The following LARGE1 variants were observed in gnomAD, a reference collection of about 807,000 sequenced individuals.
LARGE1 encodes LARGE xylosyl- and glucuronyltransferase 1.
LARGE1 carries 43 observed loss-of-function variants against 87.6 expected under a neutral mutation model. The observed-to-expected ratio is 0.49, with a 90% CI of 0.38 to 0.63. The LOEUF is 0.63. Among genes scored for constraint, LARGE1 ranks in the 30% least tolerant of loss-of-function variants. LARGE1 has a pLI of 0.00. For synonymous variants in LARGE1, 434 were observed against 394.6 expected (o/e 1.10, Z -1.18); for missense variants, 802 against 1,000.2 (o/e 0.80, Z 2.67).
chr22:33,669,927 G>C (rs2081362574), intron 2 of LARGE1, among the ~76,000 whole-genome samples: 1 of 152,194 alleles, frequency 6.6e-6, no homozygotes, highest in African/African-American at 2.4e-5. Context: ...ACTGTTGTTG[G>C]TATTATAATT....
chr22:33,544,694 C>CAACAACAACAACAACAACAACA (rs1555952160), intron 6 of LARGE1, among the ~76,000 whole-genome samples: 73 of 136,634 alleles, frequency 5.3e-4, no homozygotes, highest in African/African-American at 1.3e-3. Context: ...AAACAACAAC[C>CAACAACAACAACAACAACAACA]ACAACAACAA....
chr22:33,856,736 T>C (rs1348766692), intron 1 of LARGE1: 1 of 152,202 alleles, frequency 6.6e-6, no homozygotes, highest in Non-Finnish European at 1.5e-5. Context: ...GCTACACATC[T>C]TACCTGGCTC....
At chr22:33,453,570 T>C (rs1409802894) in intron 6 of LARGE1, among the ~76,000 whole-genome samples, 1 of 152,172 alleles carries the variant, frequency 6.6e-6, no homozygotes. Flanking sequence ...AGTGAGATAA[T>C]GGTTCACTCT....
At chr22:33,661,821 A>G (rs2081131453) in intron 2 of LARGE1, among the ~76,000 whole-genome samples, 1 of 152,076 alleles carries the variant, frequency 6.6e-6, no homozygotes, top group Non-Finnish European at 1.5e-5. Context: ...TCAGAATTGA[A>G]CTATGGTGTT....
Position 33,414,493 on chromosome 22 carries a change from G to A in LARGE1, c.892+17668C>T, listed in dbSNP as rs115122226. ...AATGAGAAATGGCTAAAGATAAGCTGAGAGCAAGTGGGTAGGACGTAGCTA... is the reference window on the plus strand; with the variant it reads ...AATGAGAAATGGCTAAAGATAAGCTAAGAGCAAGTGGGTAGGACGTAGCTA... On this transcript the variant is annotated intron_variant, in intron 7 of 14. Coordinates refer to ENST00000397394, the MANE Select transcript of LARGE1 (RefSeq NM_133642.5). 8.2e-3 allele frequency among the ~76,000 whole-genome samples: 1,246 copies of A among 152,288 alleles called. 17 individuals carry two copies. The highest frequency in any genetic ancestry group is 0.029 in the African/African-American group (1,201 of 41,552).
At chr22:33,119,246 C>T in the LARGE1 span, among the ~76,000 whole-genome samples, 2 of 152,144 alleles carry the variant, frequency 1.3e-5, no homozygotes, top group African/African-American at 2.4e-5. Context: ...AAGGAAGGTC[C>T]GTTATGACTT....
chr22:33,675,335 C>CCTGACCAA (rs1045966163), intron 2 of LARGE1, among the ~76,000 whole-genome samples: 1 of 119,816 alleles, frequency 8.3e-6, no homozygotes, highest in African/African-American at 3.0e-5. Context: ...AAGAGCAGAA[C>CCTGACCAA]CTGACCAAGA....
At chr22:33,586,060 G>A (rs1052386033) in intron 5 of LARGE1, among the ~76,000 whole-genome samples, 2 of 152,200 alleles carry the variant, frequency 1.3e-5, no homozygotes, top group Admixed American at 6.5e-5. Flanking sequence ...GTTGGATCAC[G>A]TTAGGATTTT....
At chr22:33,789,737 G>A (rs1054011746) in intron 1 of LARGE1, among the ~76,000 whole-genome samples, 6 of 152,162 alleles carry the variant, frequency 3.9e-5, no homozygotes, top group African/African-American at 7.2e-5. Context: ...ATATGATTTC[G>A]GACATACACA....
Position 33,273,295 on chromosome 22 carries a change from C to T in LARGE1, c.*1132G>A. ...GTGGTTGCCTACCCTTGGACAGGTCCCAAAGGGAGACTGAGGTTGTCACCT... is the reference window on the plus strand; with the variant it reads ...GTGGTTGCCTACCCTTGGACAGGTCTCAAAGGGAGACTGAGGTTGTCACCT... On this transcript the variant is annotated 3_prime_UTR_variant, in exon 15 of 15. Coordinates refer to ENST00000397394, the MANE Select transcript of LARGE1 (RefSeq NM_133642.5). 2.5e-6 allele frequency: 1 copy of T among 398,072 alleles called. No individual in the cohort carries two copies. Among genetic ancestry groups the T allele is most frequent in the Non-Finnish European group, 4.4e-6 (1 of 226,018 alleles). The allele number at this position is 398,072 out of a possible 1,614,324, so 24.7% of individuals were successfully genotyped here.
chr22:33,908,129 G>T (rs1055845223), intron 1 of LARGE1, among the ~76,000 whole-genome samples: 2 of 152,158 alleles, frequency 1.3e-5, no homozygotes, highest in Non-Finnish European at 2.9e-5. Context: ...ATCAGAAAGG[G>T]TTACATTATG....
chr22:33,651,164 C>T (rs1421487911), intron 2 of LARGE1, among the ~76,000 whole-genome samples: 1 of 144,788 alleles, frequency 6.9e-6, no homozygotes, highest in Non-Finnish European at 1.5e-5. Flanking sequence ...GGGCGGATCA[C>T]GAGGTCAGGA....
In LARGE1 at chr22:33,642,549, T is replaced by C. The variant is rs1406045486; in HGVS notation, c.408+7818A>G. On this transcript the variant is annotated intron_variant, in intron 3 of 14. Coordinates refer to ENST00000397394, the MANE Select transcript of LARGE1 (RefSeq NM_133642.5). Reference sequence around the variant, plus strand: ...CACACATAACAATATTAACCTTAAATGTAAATGGGCTAAATGCCTCAGTTA... The same window carrying C: ...CACACATAACAATATTAACCTTAAACGTAAATGGGCTAAATGCCTCAGTTA... Among the ~76,000 whole-genome samples the C allele has an allele frequency of 2.6e-5, 4 of 151,872 alleles. No individual in the cohort carries two copies. The South Asian group carries it at 6.2e-4, about 24-fold the overall frequency.
intron 5 of LARGE1, among the ~76,000 whole-genome samples, chr22:33,601,802 T>C (rs1361252232): frequency 6.6e-6 from 1 of 152,180 alleles, no homozygotes; most frequent in Non-Finnish European, 1.5e-5. Flanking sequence ...ATTTTCTAAA[T>C]TATTATTTTT....
At chr22:33,582,910 C>T (rs567605240) in intron 5 of LARGE1, among the ~76,000 whole-genome samples, 3 of 152,342 alleles carry the variant, frequency 2.0e-5, no homozygotes, top group South Asian at 2.1e-4. Flanking sequence ...TGCTTTCAAC[C>T]AGGAACACCT....
At chr22:33,638,161 T>C (rs2080323207) in intron 3 of LARGE1, among the ~76,000 whole-genome samples, 1 of 152,338 alleles carries the variant, frequency 6.6e-6, no homozygotes, top group Middle Eastern at 3.4e-3. Flanking sequence ...GAAAGATAGC[T>C]GGCAAACGCC....
intron 6 of LARGE1, among the ~76,000 whole-genome samples, chr22:33,459,716 A>G (rs1214820733): frequency 6.6e-6 from 1 of 151,698 alleles, no homozygotes; most frequent in African/African-American, 2.4e-5. Context: ...GCCAGCCCAG[A>G]CAGCCCAATT....
the LARGE1 span, among the ~76,000 whole-genome samples, chr22:33,112,567 T>C: frequency 6.6e-6 from 1 of 152,178 alleles, no homozygotes; most frequent in Non-Finnish European, 1.5e-5. Flanking sequence ...AGACAGTGAG[T>C]GCCAGAAAAG....
At chr22:33,444,099 G>A (rs763554876) in intron 6 of LARGE1, among the ~76,000 whole-genome samples, 6 of 152,238 alleles carry the variant, frequency 3.9e-5, no homozygotes, top group Non-Finnish European at 7.3e-5. Context: ...CTGCAAAGCG[G>A]GGTTGTAGAA....
Sources: gnomAD v4.1 joint callset for allele counts (sites outside exome capture counted in the v4.1 genomes callset) on GRCh38, gnomAD v4.1.1 for gene constraint, MANE v1.5 for transcripts, NCBI Gene and HGNC (gene_info 2026-07-23, HGNC 2026-07-21) for gene names.